Variants in ARHGAP44 observed in about 807,000 individuals in gnomAD.
ARHGAP44 encodes the protein rho GTPase-activating protein 44.
Under a neutral mutation model 106.8 loss-of-function variants are expected in ARHGAP44, and 43 were observed. That is an observed-to-expected ratio of 0.40 (90% CI 0.32 to 0.52). The LOEUF is 0.52. Among genes scored for constraint, ARHGAP44 ranks in the 20% least tolerant of loss-of-function variants. The pLI is 0.48. For missense variants in ARHGAP44, 866 were observed against 1,050.5 expected (o/e 0.82, Z 2.43); for synonymous variants, 439 against 410.3 (o/e 1.07, Z -0.85).
intron 1 of ARHGAP44, among the ~76,000 whole-genome samples, chr17:12,856,206 C>G (rs1409375349): frequency 1.3e-5 from 2 of 152,082 alleles, no homozygotes; most frequent in Non-Finnish European, 2.9e-5. Context: ...AGCCACTGGC[C>G]CTTACAGGTC....
At chr17:12,934,987 A>G (rs1396829912) in intron 7 of ARHGAP44, among the ~76,000 whole-genome samples, 1 of 152,150 alleles carries the variant, frequency 6.6e-6, no homozygotes, top group African/African-American at 2.4e-5. Flanking sequence ...AATAATTTTT[A>G]TTATGATTTC....
intron 1 of ARHGAP44, among the ~76,000 whole-genome samples, chr17:12,825,436 G>A (rs1467360080): frequency 6.6e-6 from 1 of 152,044 alleles, no homozygotes; most frequent in Non-Finnish European, 1.5e-5. Context: ...GTGTGTGTGT[G>A]TGTGCATTAT....
chr17:12,980,239 G>T lies in ARHGAP44; in HGVS notation c.1939+6G>T, dbSNP rs370411154. ...TCCTCACACCCTCCGGAAAGGTATG[G>T]CCCTGCTTCCCTTCTCCTTGGTCTC... On this transcript the variant is annotated splice_donor_region_variant and intron_variant, in intron 19 of 20. Coordinates refer to ENST00000379672, the MANE Select transcript of ARHGAP44 (RefSeq NM_014859.6). The T allele has an allele frequency of 2.4e-5, 38 of 1,600,608 alleles. No homozygotes were observed. Among genetic ancestry groups the T allele is most frequent in the Admixed American group, 3.5e-5 (2 of 57,828 alleles).
chr17:12,841,594 T>TCTCTCTCTCTCTCTCTCTCA (rs1417307080), intron 1 of ARHGAP44, among the ~76,000 whole-genome samples: 1 of 126,516 alleles, frequency 7.9e-6, no homozygotes, highest in Admixed American at 7.8e-5. Flanking sequence ...TGTCTCTCTC[T>TCTCTCTCTCTCTCTCTCTCA]CACACACACA....
At chr17:12,832,037 C>T (rs1291746983) in intron 1 of ARHGAP44, among the ~76,000 whole-genome samples, 1 of 152,130 alleles carries the variant, frequency 6.6e-6, no homozygotes, top group Non-Finnish European at 1.5e-5. Flanking sequence ...TGTAACTGCC[C>T]AGTAGGTTCT....
chr17:12,836,998 C>T (rs540454676), intron 1 of ARHGAP44, among the ~76,000 whole-genome samples: 1 of 152,286 alleles, frequency 6.6e-6, no homozygotes, highest in Non-Finnish European at 1.5e-5. Flanking sequence ...TTCTAGTGCT[C>T]ATAAAACATT....
intron 16 of ARHGAP44, among the ~76,000 whole-genome samples, chr17:12,967,951 T>TAAC (rs1368279616): frequency 6.6e-6 from 1 of 152,206 alleles, no homozygotes. Context: ...GTTCAAATCC[T>TAAC]GGTTACTGAA....
At chr17:12,921,705 T>C (rs758928403) in intron 6 of ARHGAP44, among the ~76,000 whole-genome samples, 3 of 152,240 alleles carry the variant, frequency 2.0e-5, no homozygotes, top group African/African-American at 7.2e-5. Flanking sequence ...AGATTTCAAC[T>C]ATTTTCTAGA....
intron 1 of ARHGAP44, among the ~76,000 whole-genome samples, chr17:12,810,368 A>T (rs749354230): frequency 1.3e-5 from 2 of 152,236 alleles, no homozygotes; most frequent in African/African-American, 2.4e-5. Flanking sequence ...GGAATATCTT[A>T]TCTTGGTTCC....
At chr17:12,853,209 A>G (rs1378059351) in intron 1 of ARHGAP44, among the ~76,000 whole-genome samples, 1 of 152,192 alleles carries the variant, frequency 6.6e-6, no homozygotes, top group Non-Finnish European at 1.5e-5. Flanking sequence ...AAGAACTTGG[A>G]GTCTGATGTT....
At chr17:12,942,632 A>T (rs1303052926) in intron 8 of ARHGAP44, among the ~76,000 whole-genome samples, 2 of 152,194 alleles carry the variant, frequency 1.3e-5, no homozygotes, top group East Asian at 1.9e-4. Context: ...TCTGATTTTT[A>T]AAAAAGTTCG....
chr17:12,883,937 A>G (rs535691173), intron 1 of ARHGAP44, among the ~76,000 whole-genome samples: 2 of 152,126 alleles, frequency 1.3e-5, no homozygotes, highest in African/African-American at 2.4e-5. Flanking sequence ...AGTTTCTGTC[A>G]GTTTGATTTT....
At chr17:12,939,567 G>A (rs150028354) in intron 7 of ARHGAP44, among the ~76,000 whole-genome samples, 3,435 of 152,126 alleles carry the variant, frequency 0.023, 52 homozygotes, top group Non-Finnish European at 0.03. Flanking sequence ...CTGGGTTCAC[G>A]CCATTCTCCT....
chr17:12,976,334 C>T (rs2039681394), intron 18 of ARHGAP44, among the ~76,000 whole-genome samples: 1 of 151,884 alleles, frequency 6.6e-6, no homozygotes, highest in African/African-American at 2.4e-5. Context: ...TTTTCACGGC[C>T]GGGCACGGTG....
At chr17:12,899,667 A>G (rs2150925425) in intron 3 of ARHGAP44, among the ~76,000 whole-genome samples, 1 of 136,038 alleles carries the variant, frequency 7.4e-6, no homozygotes, top group Admixed American at 7.6e-5. Flanking sequence ...ATTGAATGTT[A>G]AGGGAGGGTC....
intron 8 of ARHGAP44, among the ~76,000 whole-genome samples, chr17:12,941,648 T>C (rs933389233): frequency 6.6e-6 from 1 of 152,208 alleles, no homozygotes; most frequent in Admixed American, 6.5e-5. Context: ...CTAGATTTTA[T>C]GAAAGGCAGT....
intron 1 of ARHGAP44, among the ~76,000 whole-genome samples, chr17:12,879,176 T>G (rs2036642447): frequency 6.6e-6 from 1 of 152,180 alleles, no homozygotes; most frequent in Admixed American, 6.5e-5. Flanking sequence ...TCTTATGCCT[T>G]TGCATCCTCA....
At chr17:12,937,955 G>A (rs1598085578) in intron 7 of ARHGAP44, among the ~76,000 whole-genome samples, 2 of 152,090 alleles carry the variant, frequency 1.3e-5, no homozygotes, top group East Asian at 3.9e-4. Context: ...ACAGAAATTA[G>A]GTGGGTGTGG....
intron 1 of ARHGAP44, among the ~76,000 whole-genome samples, chr17:12,866,316 C>T (rs1443954818): frequency 6.6e-6 from 1 of 152,156 alleles, no homozygotes; most frequent in Non-Finnish European, 1.5e-5. Context: ...TGTATCTCAT[C>T]GTCTGCCTTA....
Sources: allele counts gnomAD v4.1 joint callset (sites outside exome capture counted in the v4.1 genomes callset), GRCh38; gene constraint gnomAD v4.1.1; transcripts MANE v1.5; gene names NCBI Gene and HGNC (gene_info 2026-07-23, HGNC 2026-07-21).